The following SLC4A4 variants were observed in gnomAD, a reference collection of about 807,000 sequenced individuals.
The protein encoded by SLC4A4 is electrogenic sodium bicarbonate cotransporter 1.
SLC4A4 carries 27 observed loss-of-function variants against 111.5 expected under a neutral mutation model. The observed-to-expected ratio is 0.24, with a 90% CI of 0.18 to 0.33. The LOEUF (loss-of-function observed/expected upper bound fraction) is 0.33. Ranked by LOEUF, SLC4A4 falls within the 10% of genes least tolerant of loss-of-function variation. SLC4A4 has a pLI of 1.00. For missense variants in SLC4A4, 909 were observed against 1,315.5 expected, an observed-to-expected ratio of 0.69 and a Z score of 4.78; for synonymous variants, 443 against 463.4, an observed-to-expected ratio of 0.96 and a Z score of 0.57.
chr4:71,462,108 TAG>T (rs1306701638), intron 12 of SLC4A4, among the ~76,000 whole-genome samples: 1 of 152,160 alleles, frequency 6.6e-6, no homozygotes, highest in African/African-American at 2.4e-5. Flanking sequence ...AGAGAAATAA[TAG>T]AGAGAGGCTG....
At chr4:71,092,886 A>G (rs1460445417) in intron 2 of SLC4A4, among the ~76,000 whole-genome samples, 1 of 152,064 alleles carries the variant, frequency 6.6e-6, no homozygotes, top group Non-Finnish European at 1.5e-5. Flanking sequence ...CACAAGGTCA[A>G]GAGATCACGA....
At chr4:71,551,736 CT>C (rs1478585726) in intron 20 of SLC4A4, among the ~76,000 whole-genome samples, 1 of 151,892 alleles carries the variant, frequency 6.6e-6, no homozygotes, top group Non-Finnish European at 1.5e-5. Flanking sequence ...TCTCCAGCTT[CT>C]TTGATCCAAC....
chr4:71,145,914 A>G (rs1055930584), intron 2 of SLC4A4, among the ~76,000 whole-genome samples: 3 of 151,892 alleles, frequency 2.0e-5, no homozygotes, highest in South Asian at 4.2e-4. Context: ...GGATTCGTTG[A>G]TTTTTTGAAG....
intron 16 of SLC4A4, among the ~76,000 whole-genome samples, chr4:71,528,980 A>T (rs370457134): frequency 6.6e-6 from 1 of 152,110 alleles, no homozygotes. Context: ...TACAATGAAC[A>T]TATATTAATT....
At chr4:71,315,935 T>C (rs1006249168) in intron 3 of SLC4A4, among the ~76,000 whole-genome samples, 1 of 152,166 alleles carries the variant, frequency 6.6e-6, no homozygotes, top group East Asian at 1.9e-4. Context: ...TGGTACAATC[T>C]TTAGCTTCAC....
intron 16 of SLC4A4, among the ~76,000 whole-genome samples, chr4:71,526,074 C>CTAGT (rs1733392045): frequency 6.6e-6 from 1 of 151,936 alleles, no homozygotes. Context: ...TCTACTATGT[C>CTAGT]AGTTTTGCCT....
intron 7 of SLC4A4, among the ~76,000 whole-genome samples, chr4:71,413,925 C>T (rs573620275): frequency 4.6e-5 from 7 of 152,218 alleles, no homozygotes; most frequent in African/African-American, 1.7e-4. Context: ...CCAAATTTCC[C>T]ATTTCTTGAG....
At chr4:71,306,801 T>G (rs1725725321) in intron 3 of SLC4A4, among the ~76,000 whole-genome samples, 1 of 152,242 alleles carries the variant, frequency 6.6e-6, no homozygotes, top group South Asian at 2.1e-4. Flanking sequence ...TTTTTCTGAT[T>G]GACAGTGATC....
intron 1 of SLC4A4, chr4:71,236,234 ATTTTT>A: frequency 3.1e-6 from 3 of 958,028 alleles, no homozygotes; most frequent in South Asian, 3.8e-5. Flanking sequence ...CTCTCTTGGT[ATTTTT>A]TTTTTTTTTT....
intron 1 of SLC4A4, among the ~76,000 whole-genome samples, chr4:71,230,214 G>C (rs1210870906): frequency 6.6e-6 from 1 of 152,152 alleles, no homozygotes; most frequent in East Asian, 1.9e-4. Context: ...GTTATATTCT[G>C]TATAGCTCCT....
chr4:71,408,225 G>A (rs1001210867), intron 7 of SLC4A4, among the ~76,000 whole-genome samples: 2 of 152,012 alleles, frequency 1.3e-5, no homozygotes, highest in Non-Finnish European at 2.9e-5. Flanking sequence ...ATCCATCCAG[G>A]ATCATAGGAA....
intron 16 of SLC4A4, among the ~76,000 whole-genome samples, chr4:71,516,391 C>A (rs1732403680): frequency 6.6e-6 from 1 of 152,082 alleles, no homozygotes; most frequent in South Asian, 2.1e-4. Context: ...GCCACCGCGC[C>A]CAGCCAAGGG....
At chr4:71,301,085 G>C in intron 3 of SLC4A4, 1 of 390,000 alleles carries the variant, frequency 2.6e-6, no homozygotes, top group South Asian at 2.1e-5. Flanking sequence ...CAGCTGAGGA[G>C]GGCTGGAAGG....
intron 15 of SLC4A4, among the ~76,000 whole-genome samples, chr4:71,496,398 A>G (rs571897463): frequency 1.3e-5 from 2 of 152,156 alleles, no homozygotes; most frequent in South Asian, 4.2e-4. Context: ...TTAAACAAGG[A>G]TATGGTTTCA....
At chr4:71,236,473 T>C (rs1027663916) in intron 1 of SLC4A4, 103 bp from the exon 2 acceptor site, 1 of 1,048,832 alleles carries the variant, frequency 9.5e-7, no homozygotes, top group East Asian at 2.6e-5. Flanking sequence ...CCTGCTAACA[T>C]GAACAACAGC....
At chr4:71,322,992 A>C (rs1727237243) in intron 3 of SLC4A4, among the ~76,000 whole-genome samples, 1 of 151,892 alleles carries the variant, frequency 6.6e-6, no homozygotes, top group African/African-American at 2.4e-5. Flanking sequence ...AGAACTGGCT[A>C]TTCTAGTCCC....
chr4:71,239,234 G>T (rs965799586), intron 2 of SLC4A4, among the ~76,000 whole-genome samples: 1 of 152,094 alleles, frequency 6.6e-6, no homozygotes, highest in Non-Finnish European at 1.5e-5. Context: ...AGTTTACAAT[G>T]TTTGTAAACA....
Position 71,555,310 on chromosome 4 carries a change from C to G in SLC4A4, c.2763+102C>G, listed in dbSNP as rs928574885. 9.6e-5 allele frequency: 79 copies of G among 825,514 alleles called. No homozygotes were observed. In the East Asian group the frequency reaches 1.9e-3, roughly 20 times the overall value. The allele number at this position is 825,514 out of a possible 1,614,324, so 51.1% of individuals were successfully genotyped here. A position where few individuals can be genotyped will look rare whatever the true frequency, so the allele number is the denominator to read the frequency against. On this transcript the variant is annotated intron_variant, in intron 21 of 25. Coordinates refer to ENST00000264485, the MANE Select transcript of SLC4A4 (RefSeq NM_001098484.3). ...GAAAAGTGCTAATCATTATTAACTG[C>G]TGAGTTTTTAAAATGCATTTATTTT...
At chr4:71,084,005 T>C (rs1406544164) in intron 1 of SLC4A4, among the ~76,000 whole-genome samples, 1 of 151,512 alleles carries the variant, frequency 6.6e-6, no homozygotes, top group East Asian at 1.9e-4. Context: ...GAGCTGTCTC[T>C]CTCTCTCTCT....
Sources: allele counts gnomAD v4.1 joint callset (sites outside exome capture counted in the v4.1 genomes callset), GRCh38; gene constraint gnomAD v4.1.1; transcripts MANE v1.5; gene names NCBI Gene and HGNC (gene_info 2026-07-23, HGNC 2026-07-21).